The following SMARCB1 variants were observed in gnomAD, a reference collection of about 807,000 sequenced individuals.
SMARCB1 encodes the protein SWI/SNF-related matrix-associated actin-dependent regulator of chromatin subfamily B member 1.
A neutral mutation model predicts 49.0 loss-of-function variants in SMARCB1; 5 were observed. That is an observed-to-expected ratio of 0.10 (90% CI 0.05 to 0.21). SMARCB1 has a LOEUF of 0.21. Among genes scored for constraint, SMARCB1 ranks in the 10% least tolerant of loss-of-function variants. SMARCB1 has a pLI of 1.00. For synonymous variants in SMARCB1, 201 were observed against 200.1 expected (o/e 1.00, Z -0.04); for missense variants, 226 against 509.2 (o/e 0.44, Z 5.35).
At chr22:23,822,135 G>T (rs930990606) in intron 6 of SMARCB1, among the ~76,000 whole-genome samples, 1 of 152,246 alleles carries the variant, frequency 6.6e-6, no homozygotes, top group Non-Finnish European at 1.5e-5. Context: ...GGTTAGAGCA[G>T]CATCTTCCAG....
rs1269526398 is a variant in SMARCB1, at chr22:23,834,780, T to C, written c.*600T>C. 2 of 1,571,972 alleles carry C rather than the reference T, an allele frequency of 1.3e-6. No individual in the cohort carries two copies. The highest frequency in any genetic ancestry group is 2.7e-5 in the African/African-American group (2 of 73,984). On this transcript the variant is annotated 3_prime_UTR_variant, in exon 9 of 9. Coordinates refer to ENST00000644036, the MANE Select transcript of SMARCB1 (RefSeq NM_003073.5). ...AGCTGTGAGGCTCAGGGCAAGAGGC[T>C]CTCTGCCTTTCAGGAACAGCCCTAA...
In SMARCB1 at chr22:23,799,512, G is replaced by GTTT. The variant is rs533099329; in HGVS notation, c.363-1417_363-1415dup. On this transcript the variant is annotated intron_variant, in intron 3 of 8. Transcript: ENST00000644036. ...AGGCTGGTTTCGAACTCACCTTTTG[G>GTTT]TTTTTTTTTTTTTTTTTGAGATGGA... 8.6e-4 allele frequency among the ~76,000 whole-genome samples: 93 copies of GTTT among 107,836 alleles called. 4 individuals carry two copies. Among genetic ancestry groups the GTTT allele is most frequent in the Non-Finnish European group, 1.1e-3 (64 of 57,202 alleles). 70.7% of individuals were successfully genotyped at this position (107,836 alleles called of 152,430 possible). A position where few individuals can be genotyped will look rare whatever the true frequency, so the allele number is the denominator to read the frequency against.
rs750548018 is a variant in SMARCB1 at position 23,803,420 on chromosome 22, A to G, written c.626A>G (p.Asn209Ser). ...CGAGACGCCTTCACCTGGAACATGAATGGTACAAGGCAGTCGGGCTTGGCT... is the reference window on the plus strand; with the variant it reads ...CGAGACGCCTTCACCTGGAACATGAGTGGTACAAGGCAGTCGGGCTTGGCT... ...KLRDAFTWNMNEKLMTPEMFS... is the reference protein window; with the variant it reads ...KLRDAFTWNMSEKLMTPEMFS... The change falls in exon 5 of 9, where the codon AAT becomes AGT. Residue 209 changes from asparagine (N) to serine (S), a missense_variant and splice_region_variant. Asn to Ser is a conservative substitution (Grantham distance 46, BLOSUM62 1). Around this residue, in one of 6 missense-constraint regions of SMARCB1, gnomAD observed 128 missense variants for 263.9 expected, o/e 0.49. Coordinates refer to ENST00000644036, the MANE Select transcript of SMARCB1 (RefSeq NM_003073.5). The G allele has an allele frequency of 6.2e-7, 1 of 1,614,100 alleles. No individual in the cohort carries two copies. Among genetic ancestry groups the G allele is most frequent in the South Asian group, 1.1e-5 (1 of 91,084 alleles).
intron 5 of SMARCB1, among the ~76,000 whole-genome samples, chr22:23,808,507 C>T (rs1403893068): frequency 5.3e-5 from 8 of 152,166 alleles, no homozygotes; most frequent in African/African-American, 1.2e-4. Context: ...CTGCCCGCCT[C>T]GGCCTCCCAA....
At chr22:23,799,650 T>C (rs1437650775) in intron 3 of SMARCB1, among the ~76,000 whole-genome samples, 1 of 147,502 alleles carries the variant, frequency 6.8e-6, no homozygotes, top group African/African-American at 2.5e-5. Context: ...GTAGCTGAGA[T>C]TACAGGTTCC....
At position 23,801,050 on chromosome 22, in the gene SMARCB1, G is replaced by A. The variant is rs1568941668; in HGVS notation, c.469G>A (p.Gly157Ser). 6.2e-7 allele frequency: 1 copy of A among 1,614,166 alleles called. No individual in the cohort carries two copies. The highest frequency in any genetic ancestry group is 2.2e-5 in the East Asian group (1 of 44,882). The part of the protein sequence containing the change: ...CSTTINRNRM[G>S]RDKKRTFPLC... ...CACAACCATCAACAGGAACCGCATG[G>A]GCCGAGACAAGAAGAGAACCTTCCC... Residue 157 changes from glycine to serine, a missense_variant, in exon 4 of 9, where the codon GGC becomes AGC. Around this residue, in one of 6 missense-constraint regions of SMARCB1, gnomAD observed 128 missense variants for 263.9 expected, o/e 0.49. Transcript: ENST00000644036.
intron 5 of SMARCB1, among the ~76,000 whole-genome samples, chr22:23,808,117 G>A (rs1929626903): frequency 6.7e-6 from 1 of 150,178 alleles, no homozygotes; most frequent in Admixed American, 6.7e-5. Flanking sequence ...CACCAGGCCC[G>A]GCTAATTTTT....
At chr22:23,830,545 C>T (rs745526782) in intron 7 of SMARCB1, among the ~76,000 whole-genome samples, 3 of 150,594 alleles carry the variant, frequency 2.0e-5, no homozygotes, top group Admixed American at 6.6e-5. Flanking sequence ...CAGATAGATA[C>T]ATGATTTGAA....
chr22:23,809,521 C>T (rs949388423), intron 5 of SMARCB1, among the ~76,000 whole-genome samples: 4 of 151,812 alleles, frequency 2.6e-5, no homozygotes, highest in African/African-American at 9.7e-5. Context: ...GGTGATCCGC[C>T]CACCTCGGCC....
In SMARCB1 at chr22:23,836,782, T is replaced by C; in HGVS notation, c.*2602T>C. 7.1e-7 allele frequency: 1 copy of C among 1,410,522 alleles called. No individual in the cohort carries two copies. The highest frequency in any genetic ancestry group is 9.2e-7 in the Non-Finnish European group (1 of 1,082,626). 87.4% of individuals were successfully genotyped at this position (1,410,522 alleles called of 1,614,324 possible). On this transcript the variant is annotated 3_prime_UTR_variant, in exon 9 of 9. Coordinates refer to ENST00000644036, the MANE Select transcript of SMARCB1 (RefSeq NM_003073.5). ...GTGGGCCCTTGCATGGGCCCAGCCT[T>C]TAGGATGGGTTTTTTCTGCCCCAAG...
Position 23,806,006 on chromosome 22 carries a change from G to A in SMARCB1, c.628+2584G>A, listed in dbSNP as rs1025416824. On this transcript the variant is annotated intron_variant, in intron 5 of 8. Transcript: ENST00000644036. Reference sequence around the variant, plus strand: ...CCAAATGACTAAAGCAAATGAAAACGGAGTGGTTAGGAAAAACTGGATAAA... The same window carrying A: ...CCAAATGACTAAAGCAAATGAAAACAGAGTGGTTAGGAAAAACTGGATAAA... Among the ~76,000 whole-genome samples the A allele has an allele frequency of 7.2e-5, 11 of 152,318 alleles. No individual in the cohort carries two copies. In the Middle Eastern group the frequency reaches 0.01, roughly 141 times the overall value.
At chr22:23,829,201 C>G (rs1166818386) in intron 7 of SMARCB1, among the ~76,000 whole-genome samples, 1 of 152,140 alleles carries the variant, frequency 6.6e-6, no homozygotes, top group African/African-American at 2.4e-5. Flanking sequence ...GCAGAGGAAA[C>G]AGATTCATGT....
chr22:23,830,937 G>T (rs1199665799), intron 7 of SMARCB1, among the ~76,000 whole-genome samples: 3 of 152,098 alleles, frequency 2.0e-5, no homozygotes, highest in East Asian at 3.8e-4. Flanking sequence ...GGGATTACAG[G>T]TGTGAGCCAC....
At chr22:23,804,927 G>A (rs960503730) in intron 5 of SMARCB1, among the ~76,000 whole-genome samples, 1 of 152,210 alleles carries the variant, frequency 6.6e-6, no homozygotes, top group South Asian at 2.1e-4. Flanking sequence ...CCCTGCTGTA[G>A]ACGGCTCCAC....
chr22:23,798,725 G>T (rs1709561022), intron 3 of SMARCB1, among the ~76,000 whole-genome samples: 1 of 152,130 alleles, frequency 6.6e-6, no homozygotes, highest in Non-Finnish European at 1.5e-5. Flanking sequence ...CCTTTGTGCT[G>T]TCTTCCCGGG....
intron 5 of SMARCB1, 88 bp downstream of exon 5, chr22:23,803,510 G>A: frequency 6.7e-7 from 1 of 1,492,360 alleles, no homozygotes; most frequent in Non-Finnish European, 9.3e-7. Flanking sequence ...CTGCCTGTCA[G>A]GCAGATTCTG....
At chr22:23,833,382 C>T (rs917906614) in intron 7 of SMARCB1, among the ~76,000 whole-genome samples, 190 bp from the exon 8 acceptor site, 3 of 152,172 alleles carry the variant, frequency 2.0e-5, no homozygotes, top group Non-Finnish European at 2.9e-5. Context: ...GGGGTCATGG[C>T]GACAACACTT....
intron 5 of SMARCB1, among the ~76,000 whole-genome samples, chr22:23,808,783 C>G (rs1006301822): frequency 1.3e-4 from 20 of 151,330 alleles, no homozygotes; most frequent in Non-Finnish European, 4.4e-5. Flanking sequence ...ATCACAACCT[C>G]TACCTCCCGG....
intron 5 of SMARCB1, among the ~76,000 whole-genome samples, chr22:23,811,758 G>A (rs979364448): frequency 3.3e-5 from 5 of 152,184 alleles, no homozygotes; most frequent in Admixed American, 2.6e-4. Context: ...CTTTCCTCAA[G>A]TCGATAATCT....
Sources: allele counts gnomAD v4.1 joint callset (sites outside exome capture counted in the v4.1 genomes callset), GRCh38; gene constraint gnomAD v4.1.1; regional missense constraint gnomAD v4.1.1; transcripts MANE v1.5; gene names NCBI Gene and HGNC (gene_info 2026-07-23, HGNC 2026-07-21).